SNX18: variants seen among roughly 807,000 people sequenced by gnomAD.
SNX18 encodes sorting nexin-18.
Under a neutral mutation model 48.7 loss-of-function variants are expected in SNX18, and 35 were observed. The ratio of observed to expected loss-of-function variants is 0.72; its 90% CI spans 0.55 to 0.95. SNX18 has a LOEUF of 0.95. Ranked by LOEUF, SNX18 falls within the 40% of genes least tolerant of loss-of-function variation. The pLI is 0.00. For missense variants in SNX18, 824 were observed against 871.0 expected, an observed-to-expected ratio of 0.95 and a Z score of 0.68; for synonymous variants, 492 against 384.7, an observed-to-expected ratio of 1.28 and a Z score of -3.26.
the SNX18 span, among the ~76,000 whole-genome samples, chr5:54,636,211 T>C: frequency 6.6e-6 from 1 of 152,146 alleles, no homozygotes; most frequent in Admixed American, 6.6e-5. Flanking sequence ...ACTCTTCTCC[T>C]TCCCTTTCCC....
At chr5:54,581,790 G>T in the SNX18 span, among the ~76,000 whole-genome samples, 1 of 152,160 alleles carries the variant, frequency 6.6e-6, no homozygotes, top group Non-Finnish European at 1.5e-5. Context: ...GGTGGTGCTG[G>T]TTTTATTGAA....
At chr5:54,591,440 C>T in the SNX18 span, among the ~76,000 whole-genome samples, 1 of 152,214 alleles carries the variant, frequency 6.6e-6, no homozygotes, top group African/African-American at 2.4e-5. Flanking sequence ...ATCCTCCTGC[C>T]TTGGCCTCCC....
the SNX18 span, among the ~76,000 whole-genome samples, chr5:54,567,213 ATG>A: frequency 4.7e-5 from 7 of 150,158 alleles, no homozygotes; most frequent in African/African-American, 4.9e-5. Context: ...GTGTGTGTGT[ATG>A]TGTGTGTGTG....
chr5:54,527,747 T>C lies in SNX18; in HGVS notation c.1621+8174T>C, dbSNP rs777182469. Among the ~76,000 whole-genome samples, 7 of 152,230 alleles carry C rather than the reference T, an allele frequency of 4.6e-5. 1 individual carries two copies. The highest frequency in any genetic ancestry group is 1.5e-5 in the Non-Finnish European group (1 of 68,038). On this transcript the variant is annotated intron_variant, in intron 1 of 1. Coordinates refer to ENST00000381410, the MANE Select transcript of SNX18 (RefSeq NM_001102575.2). ...TATGTTTTTATGTTCCTGTGTTGTA[T>C]AGCTGTTAACTACTGTTTTATACAT...
chr5:54,620,010 T>C, the SNX18 span, among the ~76,000 whole-genome samples: 2 of 152,208 alleles, frequency 1.3e-5, no homozygotes, highest in Admixed American at 6.5e-5. Context: ...AGGCGGTTTT[T>C]ATGTGACTCA....
chr5:54,632,492 CA>C, the SNX18 span, among the ~76,000 whole-genome samples: 1 of 152,204 alleles, frequency 6.6e-6, no homozygotes, highest in African/African-American at 2.4e-5. Context: ...CACAGTCTCC[CA>C]CACCCCCAGC....
At chr5:54,609,160 TG>T in the SNX18 span, among the ~76,000 whole-genome samples, 2 of 152,240 alleles carry the variant, frequency 1.3e-5, no homozygotes, top group African/African-American at 4.8e-5. Flanking sequence ...CTGTCCAGTA[TG>T]GTAGCCACTA....
chr5:54,633,395 G>A, the SNX18 span, among the ~76,000 whole-genome samples: 1 of 152,088 alleles, frequency 6.6e-6, no homozygotes, highest in Non-Finnish European at 1.5e-5. Flanking sequence ...CTTGGTTTCC[G>A]CATTTTAAAA....
chr5:54,518,586 C>T lies in SNX18; in HGVS notation c.634C>T (p.Pro212Ser), dbSNP rs1392136670. 5 of 1,581,668 alleles carry T rather than the reference C, an allele frequency of 3.2e-6. No individual in the cohort carries two copies. Among genetic ancestry groups the T allele is most frequent in the Non-Finnish European group, 4.3e-6 (5 of 1,164,440 alleles). The change falls in exon 1 of 2, where the codon CCG (proline) becomes TCG (serine). Residue 212 changes from proline to serine, a missense_variant. Pro to Ser is a moderately conservative substitution (Grantham distance 74). Coordinates refer to ENST00000381410, the MANE Select transcript of SNX18 (RefSeq NM_001102575.2). ...GGGTTCCCGCGGCGGCTCGGTCCCC[C>T]CGCAGCACCACCCGTCGGGGCCCAA... Reference protein sequence around the residue: ...SLGSRGGSVPPQHHPSGPKSS... With the variant: ...SLGSRGGSVPSQHHPSGPKSS...
At chr5:54,635,212 C>T in the SNX18 span, among the ~76,000 whole-genome samples, 1 of 151,028 alleles carries the variant, frequency 6.6e-6, no homozygotes, top group Non-Finnish European at 1.5e-5. Context: ...GAGAATATTC[C>T]CAAAGTAGTG....
At chr5:54,603,639 G>A in the SNX18 span, among the ~76,000 whole-genome samples, 11 of 152,090 alleles carry the variant, frequency 7.2e-5, no homozygotes, top group African/African-American at 2.7e-4. Context: ...AAAGAAAAAA[G>A]AATAAGAAAA....
rs1460082527 is a variant in SNX18 at position 54,544,644 on chromosome 5, C to CA, written c.*1212_*1213insA. 4 of 137,610 alleles carry CA rather than the reference C, an allele frequency of 2.9e-5. No homozygotes were observed. Among genetic ancestry groups the CA allele is most frequent in the South Asian group, 2.6e-4 (1 of 3,902 alleles). 8.5% of individuals were successfully genotyped at this position (137,610 alleles called of 1,614,324 possible). A position where few individuals can be genotyped will look rare whatever the true frequency, so the allele number is the denominator to read the frequency against. ...AAAAAGGTATTGATGAGCCCCCCCCCCCCAGGACATTTAACCTTAAAATTT... is the reference window on the plus strand; with the variant it reads ...AAAAAGGTATTGATGAGCCCCCCCCCACCCAGGACATTTAACCTTAAAATTT... On this transcript the variant is annotated 3_prime_UTR_variant, in exon 2 of 2. Transcript: ENST00000381410.
At chr5:54,593,786 A>G in the SNX18 span, among the ~76,000 whole-genome samples, 1 of 152,266 alleles carries the variant, frequency 6.6e-6, no homozygotes, top group Admixed American at 6.5e-5. Context: ...TCCATGGGGA[A>G]GGTATAGTCC....
intron 1 of SNX18, among the ~76,000 whole-genome samples, chr5:54,540,606 A>G (rs1762450137): frequency 6.6e-6 from 1 of 152,220 alleles, no homozygotes. Flanking sequence ...ATGGTGAACT[A>G]ATTTGGAGTT....
chr5:54,561,079 A>T, the SNX18 span, among the ~76,000 whole-genome samples: 19 of 152,114 alleles, frequency 1.2e-4, no homozygotes, highest in African/African-American at 4.6e-4. Flanking sequence ...TTTTGTTCTG[A>T]TTGCCCAGGC....
At chr5:54,619,919 T>C in the SNX18 span, among the ~76,000 whole-genome samples, 5 of 152,344 alleles carry the variant, frequency 3.3e-5, no homozygotes, top group South Asian at 2.1e-4. Flanking sequence ...TATGCATTCA[T>C]CTGGGGCCCA....
the SNX18 span, among the ~76,000 whole-genome samples, chr5:54,598,186 T>C: frequency 6.6e-6 from 1 of 152,110 alleles, no homozygotes. Flanking sequence ...TGGGAAGAAG[T>C]TGAATCCCTG....
Position 54,519,075 on chromosome 5 carries a change from T to A in SNX18, c.1123T>A (p.Phe375Ile). ...CCCAGTGCTGGCGCAGTGCGACGTCTTCCAGCACTTCCTGACGTGCCCCAG... is the reference window on the plus strand; with the variant it reads ...CCCAGTGCTGGCGCAGTGCGACGTCATCCAGCACTTCCTGACGTGCCCCAG... ...SHPVLAQCDV[F>I]QHFLTCPSST... Residue 375 changes from phenylalanine (F) to isoleucine (I), a missense_variant, in exon 1 of 2, where the codon TTC (phenylalanine) becomes ATC (isoleucine). Around this residue, in one of 3 missense-constraint regions of SNX18, gnomAD observed 443 missense variants for 503.6 expected, o/e 0.88. Coordinates refer to ENST00000381410, the MANE Select transcript of SNX18 (RefSeq NM_001102575.2). 21 of 1,613,908 alleles carry A rather than the reference T, an allele frequency of 1.3e-5. No individual in the cohort carries two copies. The highest frequency in any genetic ancestry group is 1.8e-5 in the Non-Finnish European group (21 of 1,179,986).
chr5:54,519,838 A>C, intron 1 of SNX18: 1 of 1,593,742 alleles, frequency 6.3e-7, no homozygotes, highest in Non-Finnish European at 8.6e-7. Context: ...CTATCATTTT[A>C]GAGTTTGAAT....
Sources: gnomAD v4.1 joint callset for allele counts (sites outside exome capture counted in the v4.1 genomes callset) on GRCh38, gnomAD v4.1.1 for gene constraint, gnomAD v4.1.1 regional missense constraint, MANE v1.5 for transcripts, NCBI Gene and HGNC (gene_info 2026-07-23, HGNC 2026-07-21) for gene names.